Variants in EIF4E observed in about 807,000 individuals in gnomAD.
EIF4E encodes eukaryotic translation initiation factor 4E, also known as eIF-4F 25 kDa subunit.
For missense variants in EIF4E, 113 were observed against 265.6 expected (o/e 0.43, Z 3.99); for synonymous variants, 71 against 88.5 (o/e 0.80, Z 1.11).
intron 6 of EIF4E, among the ~76,000 whole-genome samples, chr4:98,883,275 AAATT>A (rs143096748): frequency 0.018 from 2,773 of 152,270 alleles, 74 homozygotes; most frequent in African/African-American, 0.063. Context: ...CTGTCTCAAA[AAATT>A]AATTAATTTT....
At position 98,887,885 on chromosome 4, in the gene EIF4E, A is replaced by G. The variant is rs759514667; in HGVS notation, c.285+4T>C. The G allele has an allele frequency of 1.2e-6, 2 of 1,612,060 alleles. 1 individual carries two copies. The highest frequency in any genetic ancestry group is 3.3e-5 in the Admixed American group (2 of 59,978). The stretch of plus-strand genomic sequence containing the variant: ...AAATATATAAAATCACCAATTAAGC[A>G]TACCTTAAAAAGTGAGTAGTCACAG... On this transcript the variant is annotated splice_donor_region_variant and intron_variant, in intron 4 of 6. Transcript: ENST00000450253. The surrounding 1 kb of genome is among the most constrained non-coding windows in gnomAD (Gnocchi z 4.0).
chr4:98,915,321 G>C (rs924540096), intron 1 of EIF4E, among the ~76,000 whole-genome samples: 1 of 151,276 alleles, frequency 6.6e-6, no homozygotes, highest in African/African-American at 2.4e-5. Flanking sequence ...AAAAAAAAAA[G>C]AGAAGTTCAC....
chr4:98,911,750 G>A (rs1725151006), intron 1 of EIF4E, among the ~76,000 whole-genome samples: 1 of 150,492 alleles, frequency 6.6e-6, no homozygotes, highest in East Asian at 2.0e-4. Flanking sequence ...TCTTAAGGGA[G>A]CACTAACATG....
At chr4:98,886,769 G>A (rs1399828125) in intron 5 of EIF4E, 11 of 373,540 alleles carry the variant, frequency 2.9e-5, no homozygotes, top group East Asian at 2.0e-4. Flanking sequence ...CTGTAAGAGG[G>A]TTGCAAAAAC....
chr4:98,912,948 T>C (rs555065566), intron 1 of EIF4E, among the ~76,000 whole-genome samples: 24 of 152,350 alleles, frequency 1.6e-4, no homozygotes, highest in Middle Eastern at 3.4e-3. Context: ...GGCTCACGCC[T>C]GTAATCCCAG....
intron 1 of EIF4E, among the ~76,000 whole-genome samples, chr4:98,924,366 C>T (rs578209819): frequency 2.0e-5 from 3 of 152,000 alleles, no homozygotes; most frequent in African/African-American, 4.8e-5. Context: ...CATGAGCCAC[C>T]GCACCCGGCC....
chr4:98,905,759 T>A (rs1418352055), intron 1 of EIF4E, among the ~76,000 whole-genome samples: 2 of 152,118 alleles, frequency 1.3e-5, no homozygotes, highest in East Asian at 3.9e-4. Context: ...CAGGGCTGAA[T>A]AAACTGTCAT....
At chr4:98,891,103 T>C (rs916725629) in intron 3 of EIF4E, 134 bp downstream of exon 3, 1 of 939,384 alleles carries the variant, frequency 1.1e-6, no homozygotes, top group Admixed American at 2.4e-5. Flanking sequence ...TTCAAACTTT[T>C]GTGAGGAGAT....
intron 2 of EIF4E, among the ~76,000 whole-genome samples, chr4:98,896,500 A>AC (rs959277560): frequency 2.0e-5 from 3 of 148,410 alleles, no homozygotes; most frequent in Non-Finnish European, 3.0e-5. Flanking sequence ...AAAAAAAAAA[A>AC]AAAAAAAAAA....
At chr4:98,898,564 C>T (rs1365584971) in intron 2 of EIF4E, among the ~76,000 whole-genome samples, 3 of 148,610 alleles carry the variant, frequency 2.0e-5, no homozygotes, top group East Asian at 2.0e-4. Context: ...GGCGACAGGG[C>T]GAGACTCCGA....
intron 1 of EIF4E, among the ~76,000 whole-genome samples, chr4:98,924,099 A>G: frequency 6.7e-6 from 1 of 148,600 alleles, no homozygotes. Flanking sequence ...TTTTTTTGAG[A>G]CGGAGTCTCG....
chr4:98,886,575 C>A, intron 5 of EIF4E: 1 of 396,456 alleles, frequency 2.5e-6, no homozygotes, highest in Non-Finnish European at 5.0e-6. Context: ...ATTAGCTGGG[C>A]ATGGTGGCAT....
At chr4:98,892,361 A>G (rs1216945180) in intron 2 of EIF4E, among the ~76,000 whole-genome samples, 2 of 149,570 alleles carry the variant, frequency 1.3e-5, no homozygotes, top group South Asian at 2.1e-4. Context: ...AACAAAAAAA[A>G]CACAGCAGAC....
In EIF4E at chr4:98,898,586, A is replaced by C. The variant is rs1724518444; in HGVS notation, c.125+3290T>G. ...GGGCGAGACTCCGAAAAAAAAAAAA[A>C]CAGATGGCAAAAATGCTGTTCTTCC... On this transcript the variant is annotated intron_variant, in intron 2 of 6. Transcript: ENST00000450253. Among the ~76,000 whole-genome samples, 3 of 152,128 alleles carry C rather than the reference A, an allele frequency of 2.0e-5. No individual in the cohort carries two copies. The Middle Eastern group carries it at 0.01, about 517-fold the overall frequency.
At chr4:98,898,849 A>C (rs1376137284) in intron 2 of EIF4E, among the ~76,000 whole-genome samples, 1 of 152,112 alleles carries the variant, frequency 6.6e-6, no homozygotes, top group Admixed American at 6.5e-5. Context: ...AATTTTTAAG[A>C]GTGTAAAGGA....
intron 3 of EIF4E, among the ~76,000 whole-genome samples, chr4:98,888,803 G>A (rs1471288356): frequency 6.6e-6 from 1 of 152,152 alleles, no homozygotes; most frequent in Non-Finnish European, 1.5e-5. Flanking sequence ...GACCATGGAT[G>A]ATTCTACTAT....
At chr4:98,895,735 G>A (rs930648495) in intron 2 of EIF4E, among the ~76,000 whole-genome samples, 1 of 152,108 alleles carries the variant, frequency 6.6e-6, no homozygotes, top group Non-Finnish European at 1.5e-5. Context: ...AAAAACCTCT[G>A]CACCCAGCCA....
chr4:98,908,836 G>A (rs1307703381), intron 1 of EIF4E, among the ~76,000 whole-genome samples: 1 of 152,138 alleles, frequency 6.6e-6, no homozygotes, highest in Non-Finnish European at 1.5e-5. Flanking sequence ...TCCTGGAAAA[G>A]TAAACATGTC....
intron 2 of EIF4E, among the ~76,000 whole-genome samples, chr4:98,895,756 T>C (rs1334887002): frequency 2.0e-5 from 3 of 152,136 alleles, no homozygotes; most frequent in Non-Finnish European, 1.5e-5. Flanking sequence ...TTTAAACACA[T>C]AAAGATCTAT....
Sources: gnomAD v4.1 joint callset for allele counts (sites outside exome capture counted in the v4.1 genomes callset) on GRCh38, gnomAD v4.1.1 for gene constraint, Gnocchi (gnomAD v3.1) non-coding constraint, MANE v1.5 for transcripts, NCBI Gene and HGNC (gene_info 2026-07-23, HGNC 2026-07-21) for gene names.